BRIP1: variants seen among roughly 807,000 people sequenced by gnomAD.
BRIP1 encodes Fanconi anemia group J protein.
BRIP1 carries 88 observed loss-of-function variants against 119.7 expected under a neutral mutation model. The observed-to-expected ratio is 0.74, with a 90% CI of 0.62 to 0.88. The LOEUF is 0.88. BRIP1 is among the 40% of genes least tolerant of loss of function. The pLI is 0.00. For missense variants in BRIP1, 1,259 were observed against 1,455.4 expected (o/e 0.87, Z 2.20); for synonymous variants, 443 against 496.5 (o/e 0.89, Z 1.43).
chr17:61,786,107 A>C lies in BRIP1; in HGVS notation c.1474-1683T>G, dbSNP rs1347191509. ...GATATCCACGCTGAATATCAATATA[A>C]CTATACTGGCAGAATAGAGAGTGAA... On this transcript the variant is annotated intron_variant, in intron 10 of 19. Coordinates refer to ENST00000259008, the MANE Select transcript of BRIP1 (RefSeq NM_032043.3). 2.0e-5 allele frequency among the ~76,000 whole-genome samples: 3 copies of C among 152,124 alleles called. No homozygotes were observed. The East Asian group carries it at 5.8e-4, about 29-fold the overall frequency.
chr17:61,691,015 A>C lies in BRIP1; in HGVS notation c.2575+2415T>G, dbSNP rs2061439441. 6.7e-6 allele frequency among the ~76,000 whole-genome samples: 1 copy of C among 148,690 alleles called. No homozygotes were observed. The highest frequency in any genetic ancestry group is 2.5e-5 in the African/African-American group (1 of 40,600). ...AACCAAACATGGCATGTTCTCACTC[A>C]TAGGTGAGAACTGAACAATGAGAAC... On this transcript the variant is annotated intron_variant, in intron 18 of 19. Coordinates refer to ENST00000259008, the MANE Select transcript of BRIP1 (RefSeq NM_032043.3). The surrounding 1 kb of genome is among the most constrained non-coding windows in gnomAD (Gnocchi z 5.0).
chr17:61,733,050 A>C (rs2076871228), intron 16 of BRIP1, among the ~76,000 whole-genome samples: 1 of 152,212 alleles, frequency 6.6e-6, no homozygotes, highest in Non-Finnish European at 1.5e-5. Context: ...AAATCTATTC[A>C]AAAGGAACAG....
intron 6 of BRIP1, among the ~76,000 whole-genome samples, chr17:61,819,590 C>T (rs937805983): frequency 6.6e-6 from 1 of 152,056 alleles, no homozygotes; most frequent in African/African-American, 2.4e-5. Context: ...ATAAATGGAA[C>T]TGGAGGTCAT....
chr17:61,723,030 A>T (rs970153936), intron 16 of BRIP1, among the ~76,000 whole-genome samples: 1 of 152,258 alleles, frequency 6.6e-6, no homozygotes, highest in African/African-American at 2.4e-5. Context: ...ACAGATTTTT[A>T]AAATTAATCA....
In BRIP1 at chr17:61,709,531, G is replaced by C. The variant is rs2061741694; in HGVS notation, c.2492+6420C>G. On this transcript the variant is annotated intron_variant, in intron 17 of 19. Transcript: ENST00000259008. The surrounding 1 kb of genome is among the most constrained non-coding windows in gnomAD (Gnocchi z 5.0). ...GATTAATATTGTCAATACTACAGAA[G>C]AGTATTGAAAGTCAATGGAAAGTCA... 2.0e-5 allele frequency among the ~76,000 whole-genome samples: 3 copies of C among 152,138 alleles called. No individual in the cohort carries two copies. The highest frequency in any genetic ancestry group is 2.0e-4 in the Admixed American group (3 of 15,274).
intron 6 of BRIP1, among the ~76,000 whole-genome samples, chr17:61,830,741 G>A (rs1448840355): frequency 6.6e-6 from 1 of 152,072 alleles, no homozygotes; most frequent in Non-Finnish European, 1.5e-5. Context: ...AAAAATTTAA[G>A]GAAGAAGTAA....
chr17:61,692,728 C>T (rs953406429), intron 18 of BRIP1, among the ~76,000 whole-genome samples: 2 of 152,180 alleles, frequency 1.3e-5, no homozygotes, highest in South Asian at 4.2e-4. Context: ...AGGAAATAAG[C>T]ATTAGGGAGG....
intron 16 of BRIP1, among the ~76,000 whole-genome samples, chr17:61,716,786 T>C (rs2061876539): frequency 1.3e-5 from 2 of 151,152 alleles, no homozygotes; most frequent in Non-Finnish European, 3.0e-5. Context: ...CCCATATTAT[T>C]TCCACTACTG....
At chr17:61,855,863 TAGAC>T (rs1308307264) in intron 4 of BRIP1, among the ~76,000 whole-genome samples, 4 of 152,070 alleles carry the variant, frequency 2.6e-5, no homozygotes, top group African/African-American at 9.7e-5. Flanking sequence ...ATAAAAGATT[TAGAC>T]AGACACATAT....
rs1446550898 is a variant in BRIP1, at chr17:61,828,704, T to A, written c.627+18397A>T. ...ATGAAGGGCACCAGAAGTGAAAAACTGGAGGGTTAAGAAAGAAATTATTTT... is the reference window on the plus strand; with the variant it reads ...ATGAAGGGCACCAGAAGTGAAAAACAGGAGGGTTAAGAAAGAAATTATTTT... On this transcript the variant is annotated intron_variant, in intron 6 of 19. Coordinates refer to ENST00000259008, the MANE Select transcript of BRIP1 (RefSeq NM_032043.3). The surrounding 1 kb of genome is among the most constrained non-coding windows in gnomAD (Gnocchi z 4.1). 6.6e-6 allele frequency among the ~76,000 whole-genome samples: 1 copy of A among 152,018 alleles called. No homozygotes were observed. The highest frequency in any genetic ancestry group is 2.4e-5 in the African/African-American group (1 of 41,400).
rs200239986 is a variant in BRIP1, at chr17:61,685,887, T to C, written c.2854A>G (p.Ile952Val). ...CTTGGTAGAGGTGAATTTTTGGTAATAATTTTAGGACACTGTAGTTCCTGG... is the reference window on the plus strand; with the variant it reads ...CTTGGTAGAGGTGAATTTTTGGTAACAATTTTAGGACACTGTAGTTCCTGG... ...CVQELQCPKI[I>V]TKNSPLPSSI... Residue 952 changes from isoleucine (I) to valine (V), a missense_variant, in exon 19 of 20, where the codon ATT becomes GTT. Ile to Val is a conservative substitution (Grantham distance 29). Transcript: ENST00000259008. 44 of 1,613,632 alleles carry C rather than the reference T, an allele frequency of 2.7e-5. No homozygotes were observed. In the East Asian group the frequency reaches 6.0e-4, roughly 22 times the overall value.
Position 61,748,169 on chromosome 17 carries a change from C to T in BRIP1, c.2098-3578G>A, listed in dbSNP as rs188034958. Among the ~76,000 whole-genome samples, 2 of 152,282 alleles carry T rather than the reference C, an allele frequency of 1.3e-5. No individual in the cohort carries two copies. The highest frequency in any genetic ancestry group is 1.3e-4 in the Admixed American group (2 of 15,304). On this transcript the variant is annotated intron_variant, in intron 14 of 19. Coordinates refer to ENST00000259008, the MANE Select transcript of BRIP1 (RefSeq NM_032043.3). The surrounding 1 kb of genome is among the most constrained non-coding windows in gnomAD (Gnocchi z 4.7). ...GCCTGAGCTCAGTCTCCTGTCAGAT[C>T]AGCAGCAGCATTATATTCTCATAGG... is the stretch of plus-strand genomic sequence containing the variant.
In BRIP1 at chr17:61,816,671, T is replaced by G. The variant is rs928668396; in HGVS notation, c.628-7914A>C. On this transcript the variant is annotated intron_variant, in intron 6 of 19. Coordinates refer to ENST00000259008, the MANE Select transcript of BRIP1 (RefSeq NM_032043.3). This position sits in a 1 kb window ranked among gnomAD's most constrained non-coding sequence, Gnocchi z 5.0. Reference sequence around the variant, plus strand: ...GGTATAATAGAACTTTACATAGATGTGATTATAGCAATGAGTCTCAAAGCA... The same window carrying G: ...GGTATAATAGAACTTTACATAGATGGGATTATAGCAATGAGTCTCAAAGCA... Among the ~76,000 whole-genome samples, 9 of 152,128 alleles carry G rather than the reference T, an allele frequency of 5.9e-5. No individual in the cohort carries two copies. The highest frequency in any genetic ancestry group is 1.3e-4 in the Admixed American group (2 of 15,258).
intron 17 of BRIP1, among the ~76,000 whole-genome samples, chr17:61,702,546 G>C (rs1431514703): frequency 6.6e-6 from 1 of 152,178 alleles, no homozygotes; most frequent in Non-Finnish European, 1.5e-5. Context: ...GTATAAGTGA[G>C]AACATGTGGT....
At chr17:61,750,428 A>T (rs1045920146) in intron 14 of BRIP1, among the ~76,000 whole-genome samples, 1 of 152,200 alleles carries the variant, frequency 6.6e-6, no homozygotes, top group African/African-American at 2.4e-5. Flanking sequence ...AGAAAAAAAT[A>T]GAAGGCTTTA....
rs2077054114 is a variant in BRIP1, at chr17:61,746,071, T to C, written c.2098-1480A>G. Among the ~76,000 whole-genome samples, 1 of 152,176 alleles carries C rather than the reference T, an allele frequency of 6.6e-6. No homozygotes were observed. The highest frequency in any genetic ancestry group is 6.5e-5 in the Admixed American group (1 of 15,286). ...CCAAAATTCTCTGGAAAACAGCAAC[T>C]GATCAATTTTTATAAGATAGTTTAT... On this transcript the variant is annotated intron_variant, in intron 14 of 19. Coordinates refer to ENST00000259008, the MANE Select transcript of BRIP1 (RefSeq NM_032043.3). The surrounding 1 kb of genome is among the most constrained non-coding windows in gnomAD (Gnocchi z 4.9).
intron 6 of BRIP1, among the ~76,000 whole-genome samples, chr17:61,836,692 C>CA (rs1014902661): frequency 3.9e-5 from 6 of 152,010 alleles, no homozygotes; most frequent in Admixed American, 1.3e-4. Flanking sequence ...ACAAACAAAA[C>CA]AAAAAACAGT....
At position 61,842,491 on chromosome 17, in the gene BRIP1, A is replaced by C. The variant is rs185344682; in HGVS notation, c.627+4610T>G. Among the ~76,000 whole-genome samples, 81 of 152,362 alleles carry C rather than the reference A, an allele frequency of 5.3e-4. No individual in the cohort carries two copies. The highest frequency in any genetic ancestry group is 5.6e-4 in the Non-Finnish European group (38 of 68,038). ...ATGACAAATGTTTGAGGCGATGGAT[A>C]TGTTAATTACTCTGATTTGATCATT... On this transcript the variant is annotated intron_variant, in intron 6 of 19. Coordinates refer to ENST00000259008, the MANE Select transcript of BRIP1 (RefSeq NM_032043.3). The surrounding 1 kb of genome is among the most constrained non-coding windows in gnomAD (Gnocchi z 5.1).
rs2061759559 is a variant in BRIP1 at position 61,710,824 on chromosome 17, T to G, written c.2492+5127A>C. Among the ~76,000 whole-genome samples the G allele has an allele frequency of 6.6e-6, 1 of 152,074 alleles. No homozygotes were observed. ...TTCAGGCTGAGGCAGGTGGATCATC[T>G]GAGGTCAGGAGTTTGAGACCAGCCT... is the stretch of plus-strand genomic sequence containing the variant. On this transcript the variant is annotated intron_variant, in intron 17 of 19. Coordinates refer to ENST00000259008, the MANE Select transcript of BRIP1 (RefSeq NM_032043.3). The surrounding 1 kb of genome is among the most constrained non-coding windows in gnomAD (Gnocchi z 5.4).
Sources: allele counts gnomAD v4.1 joint callset (sites outside exome capture counted in the v4.1 genomes callset), GRCh38; gene constraint gnomAD v4.1.1; non-coding constraint Gnocchi (gnomAD v3.1); transcripts MANE v1.5; gene names NCBI Gene and HGNC (gene_info 2026-07-23, HGNC 2026-07-21).